Variants in NMS observed in about 807,000 individuals in gnomAD.
NMS encodes neuromedin S, also known as neuromedin-S.
NMS carries 30 observed loss-of-function variants against 32.2 expected under a neutral mutation model. The ratio of observed to expected loss-of-function variants is 0.93; its 90% CI spans 0.70 to 1.26. NMS has a LOEUF of 1.26. NMS is among the 50% of genes most tolerant of loss of function. The pLI, the probability that NMS is intolerant of heterozygous loss-of-function variation, is 0.00. For missense variants in NMS, 190 were observed against 186.3 expected, an observed-to-expected ratio of 1.02 and a Z score of -0.12; for synonymous variants, 76 against 58.5, an observed-to-expected ratio of 1.30 and a Z score of -1.37.
chr2:100,474,210 CA>C (rs564206380), intron 3 of NMS, among the ~76,000 whole-genome samples: 1 of 152,100 alleles, frequency 6.6e-6, no homozygotes, highest in Non-Finnish European at 1.5e-5. Flanking sequence ...AGTAACCACA[CA>C]AATATTTCAA....
Position 100,482,431 on chromosome 2 carries a change from T to A in NMS, c.449+120T>A, listed in dbSNP as rs1168294800. 5.4e-6 allele frequency: 5 copies of A among 930,272 alleles called. No homozygotes were observed. In the Admixed American group the frequency reaches 9.4e-5, roughly 18 times the overall value. 57.6% of individuals were successfully genotyped at this position (930,272 alleles called of 1,614,324 possible). The stretch of plus-strand genomic sequence containing the variant: ...ACCATTGTTCAAGAAATGAGGACCC[T>A]TCATAACCCCCAGGAACTCTGCCCC... On this transcript the variant is annotated intron_variant, in intron 9 of 9. Transcript: ENST00000376865.
Position 100,475,673 on chromosome 2 carries a change from A to T in NMS, c.184-1571A>T, listed in dbSNP as rs977301282. On this transcript the variant is annotated intron_variant, in intron 3 of 9. Coordinates refer to ENST00000376865, the MANE Select transcript of NMS (RefSeq NM_001011717.1). ...GGAAAATGAATAATAAACAACATAG[A>T]TCAGTAAACTTTGAAATAATTTTTT... 1.1e-4 allele frequency among the ~76,000 whole-genome samples: 16 copies of T among 152,302 alleles called. No homozygotes were observed. The South Asian group carries it at 1.5e-3, about 14-fold the overall frequency.
At position 100,480,485 on chromosome 2, in the gene NMS, T is replaced by A. The variant is rs746937490; in HGVS notation, c.337-11T>A. The stretch of plus-strand genomic sequence containing the variant: ...TCCTGTTGAATTAACCTGTGCCTCA[T>A]TTCCTTGCAGGGCTCGGGGACTGCT... On this transcript the variant is annotated splice_polypyrimidine_tract_variant and intron_variant, in intron 6 of 9. Coordinates refer to ENST00000376865, the MANE Select transcript of NMS (RefSeq NM_001011717.1). 4 of 1,613,494 alleles carry A rather than the reference T, an allele frequency of 2.5e-6. No homozygotes were observed. The highest frequency in any genetic ancestry group is 3.4e-6 in the Non-Finnish European group (4 of 1,179,886).
chr2:100,475,270 G>A (rs895076933), intron 3 of NMS, among the ~76,000 whole-genome samples: 9 of 152,086 alleles, frequency 5.9e-5, no homozygotes, highest in South Asian at 2.1e-4. Flanking sequence ...ATGTCACTTC[G>A]TCTCTTGGGG....
rs1461541030 is a variant in NMS at position 100,474,368 on chromosome 2, ACAGTGAATCTAT to A, written c.183+846_183+857del. ...ACCCACAGCACACTATGCTCCAGCC[ACAGTGAATCTAT>A]CAGTGAATCTATCAGTATTCCCCAA... On this transcript the variant is annotated intron_variant, in intron 3 of 9. Transcript: ENST00000376865. Among the ~76,000 whole-genome samples the A allele has an allele frequency of 1.6e-4, 24 of 152,202 alleles. 1 individual carries two copies. The highest frequency in any genetic ancestry group is 1.0e-3 in the Admixed American group (16 of 15,276).
intron 5 of NMS, 32 bp from the exon 6 acceptor site, chr2:100,479,320 CT>C: frequency 6.4e-7 from 1 of 1,555,874 alleles, no homozygotes; most frequent in Non-Finnish European, 8.8e-7. Context: ...GGATGTCCCC[CT>C]GTCTGACCCT....
At chr2:100,472,873 G>A (rs749770788) in intron 2 of NMS, 23 bp downstream of exon 2, 1 of 1,546,228 alleles carries the variant, frequency 6.5e-7, no homozygotes, top group South Asian at 1.1e-5. Context: ...TCAGTAATGT[G>A]AGATTTTTGT....
chr2:100,478,717 G>C (rs538298796), intron 5 of NMS, among the ~76,000 whole-genome samples: 1 of 152,324 alleles, frequency 6.6e-6, no homozygotes, highest in East Asian at 1.9e-4. Flanking sequence ...ACCCACATTG[G>C]CCTCCCAAAT....
chr2:100,474,220 A>G (rs1016001847), intron 3 of NMS, among the ~76,000 whole-genome samples: 1 of 152,162 alleles, frequency 6.6e-6, no homozygotes, highest in African/African-American at 2.4e-5. Flanking sequence ...CAAATATTTC[A>G]ATGGATATAA....
At chr2:100,481,364 G>A (rs896739615) in intron 8 of NMS, among the ~76,000 whole-genome samples, 197 bp downstream of exon 8, 1 of 152,156 alleles carries the variant, frequency 6.6e-6, no homozygotes, top group African/African-American at 2.4e-5. Flanking sequence ...GAGTCCAACA[G>A]GAGAGAGGCT....
chr2:100,471,008 AG>A (rs2104329570), intron 1 of NMS, among the ~76,000 whole-genome samples: 1 of 152,352 alleles, frequency 6.6e-6, no homozygotes, highest in East Asian at 1.9e-4. Flanking sequence ...CACTGGAAAA[AG>A]GAATCTTTCC....
At position 100,475,999 on chromosome 2, in the gene NMS, C is replaced by CA. The variant is rs746460668; in HGVS notation, c.184-1233dup. Reference sequence around the variant, plus strand: ...GGGTGATGGAGCGAGACCCTATCTCCAAAAAAAAAAAAGAAAAGAAAAGAA... The same window carrying CA: ...GGGTGATGGAGCGAGACCCTATCTCCAAAAAAAAAAAAAGAAAAGAAAAGAA... On this transcript the variant is annotated intron_variant, in intron 3 of 9. Coordinates refer to ENST00000376865, the MANE Select transcript of NMS (RefSeq NM_001011717.1). Among the ~76,000 whole-genome samples, 1,088 of 111,650 alleles carry CA rather than the reference C, an allele frequency of 9.7e-3. 11 individuals are homozygous for CA. The highest frequency in any genetic ancestry group is 0.025 in the African/African-American group (733 of 29,016). The allele number at this position is 111,650 out of a possible 152,430, so 73.2% of individuals were successfully genotyped here.
rs1677145533 is a variant in NMS, at chr2:100,478,055, G to A, written c.261+641G>A. Among the ~76,000 whole-genome samples the A allele has an allele frequency of 3.3e-5, 5 of 152,250 alleles. No individual in the cohort carries two copies. The South Asian group carries it at 1.0e-3, about 32-fold the overall frequency. On this transcript the variant is annotated intron_variant, in intron 5 of 9. Transcript: ENST00000376865. The stretch of plus-strand genomic sequence containing the variant: ...CAGCTTACTGCAACCTCCGCCTCCG[G>A]GGTTCAAGTGATTGTCCTGTCTCAG...
Position 100,470,540 on chromosome 2 carries a change from T to C in NMS, c.52T>C (p.Cys18Arg). The C allele has an allele frequency of 2.5e-6, 4 of 1,613,976 alleles. No individual in the cohort carries two copies. The highest frequency in any genetic ancestry group is 3.4e-6 in the Non-Finnish European group (4 of 1,179,852). Residue 18 changes from cysteine to arginine, a missense_variant, in exon 1 of 10, where the codon TGC becomes CGC. Physicochemically the swap from Cys to Arg is radical, Grantham distance 180. Coordinates refer to ENST00000376865, the MANE Select transcript of NMS (RefSeq NM_001011717.1). ...TCTCATCTTGGCCATCTACTGCTTC[T>C]GCATGCTACAGATTCCCTCCTCAGG... ...FPLILAIYCF[C>R]MLQIPSSGFP...
At chr2:100,478,241 C>A (rs772699597) in intron 5 of NMS, among the ~76,000 whole-genome samples, 1 of 152,068 alleles carries the variant, frequency 6.6e-6, no homozygotes, top group African/African-American at 2.4e-5. Flanking sequence ...GGATTACAGG[C>A]GTGAGCCACC....
Position 100,481,317 on chromosome 2 carries a change from C to T in NMS, c.414+150C>T, listed in dbSNP as rs114044025. On this transcript the variant is annotated intron_variant, in intron 8 of 9. Transcript: ENST00000376865. The stretch of plus-strand genomic sequence containing the variant: ...TCTCATCCTTCACTGGGAATCACTC[C>T]AAGTAAAAATCTCCTCCTACAATCT... The T allele has an allele frequency of 5.5e-3, 4,409 of 799,760 alleles. 17 individuals are homozygous for T. The highest frequency in any genetic ancestry group is 8.5e-3 in the Middle Eastern group (28 of 3,278). 49.5% of individuals were successfully genotyped at this position (799,760 alleles called of 1,614,324 possible).
At chr2:100,472,678 A>G (rs1677024528) in intron 1 of NMS, 117 bp from the exon 2 acceptor site, 1 of 629,572 alleles carries the variant, frequency 1.6e-6, no homozygotes, top group Non-Finnish European at 2.7e-6. Flanking sequence ...CCTCTTTTGA[A>G]TGGTTCTTTG....
chr2:100,470,974 C>T (rs910602901), intron 1 of NMS, among the ~76,000 whole-genome samples: 1 of 152,154 alleles, frequency 6.6e-6, no homozygotes, highest in Non-Finnish European at 1.5e-5. Context: ...ATGGGCAGTT[C>T]GAGAAGGGCG....
Position 100,480,508 on chromosome 2 carries a change from G to A in NMS, c.349G>A (p.Ala117Thr). Residue 117 changes from alanine to threonine, a missense_variant, in exon 7 of 10, where the codon GCT (alanine) becomes ACT (threonine). Transcript: ENST00000376865. Reference sequence around the variant, plus strand: ...CATTTCCTTGCAGGGCTCGGGGACTGCTGCAGTGGACTTCACCAAGAAGGT... The same window carrying A: ...CATTTCCTTGCAGGGCTCGGGGACTACTGCAGTGGACTTCACCAAGAAGGT... ...KRILQRGSGT[A>T]AVDFTKKDHT... The A allele has an allele frequency of 6.2e-7, 1 of 1,613,294 alleles. No individual in the cohort carries two copies.
Sources: gnomAD v4.1 joint callset for allele counts (sites outside exome capture counted in the v4.1 genomes callset) on GRCh38, gnomAD v4.1.1 for gene constraint, MANE v1.5 for transcripts, NCBI Gene and HGNC (gene_info 2026-07-23, HGNC 2026-07-21) for gene names.